MGAM2: variants seen among roughly 807,000 people sequenced by gnomAD.
MGAM2 encodes the protein probable maltase-glucoamylase 2.
MGAM2 carries 98 observed loss-of-function variants against 96.1 expected under a neutral mutation model. That is an observed-to-expected ratio of 1.02 (90% CI 0.87 to 1.21). The LOEUF (loss-of-function observed/expected upper bound fraction) is 1.21. MGAM2 is among the 50% of genes most tolerant of loss of function. The probability of loss-of-function intolerance (pLI) is 0.00; values close to 1 mark genes in which losing one functional copy is unlikely to be tolerated. For synonymous variants in MGAM2, 749 were observed against 414.8 expected (o/e 1.81, Z -9.79); for missense variants, 2,055 against 1,182.4 (o/e 1.74, Z -10.82).
intron 32 of MGAM2, among the ~76,000 whole-genome samples, chr7:142,178,129 T>C (rs190651575): frequency 6.6e-6 from 1 of 152,356 alleles, no homozygotes; most frequent in East Asian, 1.9e-4. Context: ...TCAGCATTTT[T>C]TCAAATGTTT....
Position 142,221,892 on chromosome 7 carries a change from A to C in MGAM2, c.7381A>C (p.Asn2461His), listed in dbSNP as rs537518532. The C allele has an allele frequency of 3.4e-4, 135 of 399,946 alleles. No individual in the cohort carries two copies. The highest frequency in any genetic ancestry group is 2.6e-3 in the African/African-American group (126 of 48,744). The allele number at this position is 399,946 out of a possible 1,614,324, so 24.8% of individuals were successfully genotyped here. A position where few individuals can be genotyped will look rare whatever the true frequency, so the allele number is the denominator to read the frequency against. Residue 2461 changes from asparagine (N) to histidine (H), a missense_variant, in exon 48 of 48, where the codon AAT (asparagine) becomes CAT (histidine). Asn to His is a moderately conservative substitution (Grantham distance 68). Transcript: ENST00000477922. ...TTCACAAACTCCCCATATGGTAATA[A>C]ATTCTGTGGCTACTTATTTACCTAT... ...LDSQTPHMVI[N>H]SVATYLPITA...
intron 46 of MGAM2, among the ~76,000 whole-genome samples, chr7:142,209,953 C>A (rs1797526602): frequency 1.3e-5 from 2 of 152,228 alleles, no homozygotes; most frequent in South Asian, 4.1e-4. Context: ...TGGCCTGCAG[C>A]TCCCAGTGAG....
rs1797883547 is a variant in MGAM2, at chr7:142,220,315, C to T, written c.5804C>T (p.Ala1935Val). 1.4e-6 allele frequency: 1 copy of T among 702,514 alleles called. No individual in the cohort carries two copies. Among genetic ancestry groups the T allele is most frequent in the Non-Finnish European group, 2.6e-6 (1 of 384,914 alleles). The allele number at this position is 702,514 out of a possible 1,614,324, so 43.5% of individuals were successfully genotyped here. Reference sequence around the variant, plus strand: ...AATGCTAGTACTGCTAGCACTAATGCTACTGTTCCTATCACAACCACATGT... The same window carrying T: ...AATGCTAGTACTGCTAGCACTAATGTTACTGTTCCTATCACAACCACATGT... ...PTNASTASTN[A>V]TVPITTTCFA... is the part of the protein sequence containing the mutation. The change falls in exon 48 of 48, where the codon GCT becomes GTT. Residue 1935 changes from alanine (A) to valine (V), a missense_variant. Transcript: ENST00000477922.
chr7:142,197,776 A>C (rs770062473), intron 42 of MGAM2, 48 bp downstream of exon 42: 6 of 702,066 alleles, frequency 8.5e-6, no homozygotes, highest in South Asian at 7.4e-5. Flanking sequence ...CATGATCTAA[A>C]ATCATGGGAA....
At chr7:142,115,244 G>A (rs1817349009) in intron 1 of MGAM2, among the ~76,000 whole-genome samples, 2 of 152,128 alleles carry the variant, frequency 1.3e-5, no homozygotes, top group South Asian at 2.1e-4. Context: ...TTACTGCTGC[G>A]AAAAGTGAGA....
intron 28 of MGAM2, 84 bp downstream of exon 28, chr7:142,171,524 C>T: frequency 1.6e-6 from 1 of 616,460 alleles, no homozygotes; most frequent in East Asian, 2.8e-5. Flanking sequence ...TGATACCTTG[C>T]TCATCAACCT....
chr7:142,152,321 A>T (rs1795605666), intron 15 of MGAM2, among the ~76,000 whole-genome samples: 1 of 152,220 alleles, frequency 6.6e-6, no homozygotes, highest in African/African-American at 2.4e-5. Flanking sequence ...TGATTACTGC[A>T]GAGTATAATA....
rs145927118 is a variant in MGAM2 at position 142,215,355 on chromosome 7, C to T, written c.5188-3006C>T. Among the ~76,000 whole-genome samples, 1,159 of 151,644 alleles carry T rather than the reference C, an allele frequency of 7.6e-3. 17 individuals carry two copies. Among genetic ancestry groups the T allele is most frequent in the African/African-American group, 0.025 (1,050 of 41,302 alleles). On this transcript the variant is annotated intron_variant, in intron 46 of 47. Transcript: ENST00000477922. ...TAGGAGAAATCCCTAATGTAGATGA[C>T]GGGTTGATGGGTTGATGGATGCAGC...
chr7:142,189,887 A>G (rs1415994016), intron 37 of MGAM2, among the ~76,000 whole-genome samples: 3 of 152,196 alleles, frequency 2.0e-5, no homozygotes, highest in African/African-American at 7.2e-5. Flanking sequence ...CCTATTCTGG[A>G]CATTTCATAA....
intron 33 of MGAM2, among the ~76,000 whole-genome samples, chr7:142,184,415 GTATAGCAT>G (rs1796634235): frequency 6.6e-6 from 1 of 152,146 alleles, no homozygotes; most frequent in African/African-American, 2.4e-5. Context: ...ATTGCCTTCA[GTATAGCAT>G]ACAGTGTAGC....
At chr7:142,145,612 G>A (rs1290948449) in intron 14 of MGAM2, among the ~76,000 whole-genome samples, 2 of 152,076 alleles carry the variant, frequency 1.3e-5, no homozygotes, top group African/African-American at 4.8e-5. Flanking sequence ...ATATCTCAGT[G>A]GATTAACACA....
chr7:142,114,925 A>G (rs1362190917), intron 1 of MGAM2, among the ~76,000 whole-genome samples: 3 of 152,118 alleles, frequency 2.0e-5, no homozygotes, highest in Non-Finnish European at 4.4e-5. Flanking sequence ...AGAAGGAACA[A>G]TTTTTTAAAT....
chr7:142,146,142 G>GTTTTTTTTTTTTTTTTTTT (rs71166565), intron 14 of MGAM2, among the ~76,000 whole-genome samples: 5 of 108,968 alleles, frequency 4.6e-5, no homozygotes, highest in Admixed American at 1.9e-4. Flanking sequence ...AGTTTATCAT[G>GTTTTTTTTTTTTTTTTTTT]TTTTTTTTTT....
chr7:142,199,072 C>G (rs1229086466), intron 44 of MGAM2, among the ~76,000 whole-genome samples: 1 of 152,142 alleles, frequency 6.6e-6, no homozygotes, highest in African/African-American at 2.4e-5. Context: ...TGTGATTGAA[C>G]AAGAACTAGG....
intron 8 of MGAM2, among the ~76,000 whole-genome samples, 192 bp downstream of exon 8, chr7:142,136,832 A>T (rs549772201): frequency 6.6e-6 from 1 of 152,316 alleles, no homozygotes; most frequent in African/African-American, 2.4e-5. Context: ...CATTGTTTTC[A>T]TTGAAAACCA....
chr7:142,186,214 G>C, intron 35 of MGAM2, 91 bp downstream of exon 35: 1 of 645,764 alleles, frequency 1.5e-6, no homozygotes, highest in Non-Finnish European at 2.8e-6. Flanking sequence ...CAGAGACATA[G>C]GGCTGAAGAG....
At chr7:142,133,483 T>C (rs1794968120) in intron 6 of MGAM2, among the ~76,000 whole-genome samples, 1 of 151,898 alleles carries the variant, frequency 6.6e-6, no homozygotes, top group South Asian at 2.1e-4. Context: ...TGACCAACAG[T>C]TTCAGCTTAA....
At chr7:142,213,715 C>A (rs180751761) in intron 46 of MGAM2, among the ~76,000 whole-genome samples, 1 of 152,130 alleles carries the variant, frequency 6.6e-6, no homozygotes, top group African/African-American at 2.4e-5. Flanking sequence ...CAGGACCAGA[C>A]AGATTCACAG....
chr7:142,198,821 A>T, intron 44 of MGAM2, 82 bp downstream of exon 44: 2 of 637,330 alleles, frequency 3.1e-6, no homozygotes, highest in East Asian at 5.5e-5. Context: ...CACCTTCGCC[A>T]GGGATATGTG....
Sources: gnomAD v4.1 joint callset for allele counts (sites outside exome capture counted in the v4.1 genomes callset) on GRCh38, gnomAD v4.1.1 for gene constraint, MANE v1.5 for transcripts, NCBI Gene and HGNC (gene_info 2026-07-23, HGNC 2026-07-21) for gene names.